Variants in AMMECR1 observed in about 807,000 individuals in gnomAD.
The protein encoded by AMMECR1 is AMMECR nuclear protein 1, also known as nuclear protein AMMECR1.
In AMMECR1, 3 loss-of-function variants were observed where a neutral mutation model predicts 22.5. The observed-to-expected ratio is 0.13, with a 90% CI of 0.06 to 0.35. AMMECR1 has a LOEUF of 0.35. Among genes scored for constraint, AMMECR1 ranks in the 10% least tolerant of loss-of-function variants. The pLI, the probability that AMMECR1 is intolerant of heterozygous loss-of-function variation, is 1.00. For synonymous variants in AMMECR1, 130 were observed against 116.7 expected, an observed-to-expected ratio of 1.11 and a Z score of -0.74; for missense variants, 235 against 278.7, an observed-to-expected ratio of 0.84 and a Z score of 1.12.
intron 2 of AMMECR1, among the ~76,000 whole-genome samples, chrX:110,252,602 T>C (rs1018829249): frequency 3.6e-5 from 4 of 111,913 alleles, no homozygotes; most frequent in African/African-American, 1.3e-4. Flanking sequence ...TATAAGAAAC[T>C]AGCCACAATA....
intron 1 of AMMECR1, among the ~76,000 whole-genome samples, chrX:110,267,395 T>A (rs1213247507): frequency 1.8e-5 from 2 of 109,611 alleles, no homozygotes; most frequent in Non-Finnish European, 3.8e-5. Flanking sequence ...TTCTTTTTTT[T>A]TAAAAAAAAA....
At chrX:110,367,689 C>T (rs923863497) in intron 2 of AMMECR1, among the ~76,000 whole-genome samples, 9 of 111,265 alleles carry the variant, frequency 8.1e-5, no homozygotes, top group Non-Finnish European at 1.7e-4. Context: ...CCTGCTTCTC[C>T]CACAGCCTTC....
At chrX:110,292,484 A>C (rs2067913916) in intron 1 of AMMECR1, among the ~76,000 whole-genome samples, 3 of 112,553 alleles carry the variant, frequency 2.7e-5, no homozygotes, top group African/African-American at 9.7e-5. Flanking sequence ...TAGGTGAATG[A>C]ATAAACAAAC....
At chrX:110,288,556 G>A (rs1433062280) in intron 1 of AMMECR1, among the ~76,000 whole-genome samples, 1 of 111,849 alleles carries the variant, frequency 8.9e-6, no homozygotes, top group Non-Finnish European at 1.9e-5. Flanking sequence ...CATTACTGCA[G>A]GGCTTCATCA....
intron 2 of AMMECR1, among the ~76,000 whole-genome samples, chrX:110,261,493 T>C (rs1023150460): frequency 9.0e-6 from 1 of 111,455 alleles, no homozygotes; most frequent in Non-Finnish European, 1.9e-5. Context: ...GAATCACCAA[T>C]TTTTATGTTC....
chrX:110,428,121 A>G (rs1486247929), intron 1 of AMMECR1, among the ~76,000 whole-genome samples: 1 of 112,129 alleles, frequency 8.9e-6, no homozygotes, highest in Admixed American at 9.4e-5. Flanking sequence ...CACACAGTAG[A>G]TGTTCCATGA....
intron 2 of AMMECR1, chrX:110,219,509 A>G: frequency 2.7e-6 from 2 of 751,780 alleles, no homozygotes; most frequent in Non-Finnish European, 3.1e-6. Context: ...AGTTCAAACT[A>G]TTTGAAATCA....
rs2068683150 is a variant in AMMECR1 at position 110,417,142 on chromosome X, A to T, written c.-148+9516T>A. On this transcript the variant is annotated intron_variant, in intron 2 of 7. Coordinates refer to the AMMECR1 transcript ENST00000372057. ...CTTCCCTACCGCACTCATCCCACCT[A>T]GTGCCATCTATCCTTACCCACTCTG... 2.7e-5 allele frequency among the ~76,000 whole-genome samples: 3 copies of T among 111,983 alleles called. No homozygotes were observed. The South Asian group carries it at 1.1e-3, about 42-fold the overall frequency.
intron 1 of AMMECR1, among the ~76,000 whole-genome samples, chrX:110,276,020 T>C (rs1237632482): frequency 1.8e-5 from 2 of 110,595 alleles, no homozygotes; most frequent in Non-Finnish European, 3.8e-5. Flanking sequence ...GGACTCCAGT[T>C]GCAAGTAGGT....
chrX:110,307,409 G>A (rs781506646), intron 1 of AMMECR1, among the ~76,000 whole-genome samples: 1 of 111,564 alleles, frequency 9.0e-6, no homozygotes, highest in Non-Finnish European at 1.9e-5. Flanking sequence ...AAAAGAGATA[G>A]GTATGTACCT....
At position 110,347,053 on chromosome X, in the gene AMMECR1, A is replaced by G. The variant is rs1431550666; in HGVS notation, c.-147-29204T>C. The stretch of plus-strand genomic sequence containing the variant: ...TATACATTGATGATACAAACTTTAT[A>G]GCAGGCAATGTGTGTATTGGTACCT... On this transcript the variant is annotated intron_variant, in intron 2 of 7. Transcript: ENST00000372057. 4 of 425,344 alleles carry G rather than the reference A, an allele frequency of 9.4e-6. No homozygotes were observed. In the East Asian group the frequency reaches 1.6e-4, roughly 17 times the overall value. 35.1% of individuals were successfully genotyped at this position (425,344 alleles called of 1,213,427 possible).
intron 2 of AMMECR1, among the ~76,000 whole-genome samples, chrX:110,345,748 A>T (rs2068186434): frequency 9.0e-6 from 1 of 111,534 alleles, no homozygotes; most frequent in African/African-American, 3.3e-5. Context: ...TAATTTTTTT[A>T]AAAAGAAAAA....
At chrX:110,428,464 G>A (rs1346123647) in intron 1 of AMMECR1, among the ~76,000 whole-genome samples, 2 of 111,714 alleles carry the variant, frequency 1.8e-5, no homozygotes, top group Non-Finnish European at 3.8e-5. Flanking sequence ...TCTGCAGAAC[G>A]AATAACTGAA....
At chrX:110,228,171 T>C (rs752591127) in intron 2 of AMMECR1, among the ~76,000 whole-genome samples, 1 of 112,197 alleles carries the variant, frequency 8.9e-6, no homozygotes, top group Non-Finnish European at 1.9e-5. Flanking sequence ...AAACTACTCG[T>C]ATCATTTTTG....
chrX:110,375,659 A>T (rs1011976287), intron 2 of AMMECR1, among the ~76,000 whole-genome samples: 1 of 112,249 alleles, frequency 8.9e-6, no homozygotes, highest in Non-Finnish European at 1.9e-5. Flanking sequence ...ACATGAACTT[A>T]AAACACTGAG....
intron 2 of AMMECR1, among the ~76,000 whole-genome samples, chrX:110,420,559 A>G (rs916400794): frequency 1.4e-4 from 16 of 112,109 alleles, no homozygotes; most frequent in Non-Finnish European, 2.4e-4. Context: ...TCATTTTGTC[A>G]TCGGTCTAAA....
chrX:110,350,957 A>G (rs2068209095), intron 2 of AMMECR1, among the ~76,000 whole-genome samples: 2 of 111,590 alleles, frequency 1.8e-5, no homozygotes, highest in Non-Finnish European at 1.9e-5. Flanking sequence ...TGGGCAACAG[A>G]GTGAGACCCT....
intron 1 of AMMECR1, among the ~76,000 whole-genome samples, chrX:110,431,668 C>T (rs1029985702): frequency 5.4e-5 from 6 of 111,529 alleles, no homozygotes; most frequent in Non-Finnish European, 1.1e-4. Flanking sequence ...GAAGGTTGCC[C>T]TGATGACTTT....
chrX:110,274,758 C>T (rs1222118280), intron 1 of AMMECR1, among the ~76,000 whole-genome samples: 2 of 111,908 alleles, frequency 1.8e-5, no homozygotes, highest in Admixed American at 1.9e-4. Flanking sequence ...ACCATCTTTA[C>T]ATCCAATATT....
Sources: gnomAD v4.1 joint callset for allele counts (sites outside exome capture counted in the v4.1 genomes callset) on GRCh38, gnomAD v4.1.1 for gene constraint, MANE v1.5 for transcripts, NCBI Gene and HGNC (gene_info 2026-07-23, HGNC 2026-07-21) for gene names.